STAU2: variants seen among roughly 807,000 people sequenced by gnomAD.
STAU2 encodes staufen double-stranded RNA binding protein 2, also known as double-stranded RNA-binding protein Staufen homolog 2.
In STAU2, 20 loss-of-function variants were observed where a neutral mutation model predicts 65.9. The observed-to-expected ratio is 0.30, with a 90% CI of 0.21 to 0.44. The LOEUF (loss-of-function observed/expected upper bound fraction) is 0.44, where lower values mean the gene tolerates loss of function less well. Ranked by LOEUF, STAU2 falls within the 20% of genes least tolerant of loss-of-function variation. The pLI, the probability that STAU2 is intolerant of heterozygous loss-of-function variation, is 1.00. For synonymous variants in STAU2, 232 were observed against 233.9 expected (o/e 0.99, Z 0.07); for missense variants, 558 against 683.9 (o/e 0.82, Z 2.05).
intron 3 of STAU2, among the ~76,000 whole-genome samples, chr8:73,716,322 C>T (rs929085470): frequency 2.0e-5 from 3 of 152,032 alleles, no homozygotes; most frequent in Non-Finnish European, 4.4e-5. Flanking sequence ...ACTCCTGACC[C>T]CAGGTGATCC....
intron 13 of STAU2, among the ~76,000 whole-genome samples, chr8:73,506,151 A>G (rs1050726854): frequency 8.5e-5 from 13 of 152,168 alleles, no homozygotes; most frequent in African/African-American, 2.9e-4. Context: ...GCAATACACG[A>G]ATGGGCTAAC....
intron 11 of STAU2, among the ~76,000 whole-genome samples, chr8:73,592,463 T>C (rs1479061394): frequency 6.6e-6 from 1 of 152,000 alleles, no homozygotes; most frequent in Non-Finnish European, 1.5e-5. Context: ...GTAACCTAAG[T>C]AACCCTATCT....
chr8:73,471,878 C>T (rs552972907), intron 13 of STAU2, among the ~76,000 whole-genome samples: 2 of 147,548 alleles, frequency 1.4e-5, no homozygotes, highest in East Asian at 2.0e-4. Flanking sequence ...AAGAAATTCA[C>T]GTTAAGACGT....
intron 13 of STAU2, among the ~76,000 whole-genome samples, chr8:73,437,415 G>A (rs1817783887): frequency 1.3e-5 from 2 of 152,154 alleles, no homozygotes; most frequent in African/African-American, 2.4e-5. Flanking sequence ...TTGGAGGAAG[G>A]GGCCATGAAC....
intron 13 of STAU2, among the ~76,000 whole-genome samples, chr8:73,525,080 G>A (rs985715248): frequency 1.3e-5 from 2 of 152,094 alleles, no homozygotes; most frequent in African/African-American, 2.4e-5. Context: ...TACCTCCTAG[G>A]CCACTACAAT....
chr8:73,651,192 C>T lies in STAU2; in HGVS notation c.410+21915G>A, dbSNP rs1815844749. ...CGGGCCCCGAGGAGCCCCCTCAGGCCGTCAGCATCAAGGAGGCTAGGTCCT... is the reference window on the plus strand; with the variant it reads ...CGGGCCCCGAGGAGCCCCCTCAGGCTGTCAGCATCAAGGAGGCTAGGTCCT... On this transcript the variant is annotated intron_variant, in intron 6 of 14. Coordinates refer to ENST00000524300, the MANE Select transcript of STAU2 (RefSeq NM_001164380.2). The T allele has an allele frequency of 2.5e-5, 25 of 998,548 alleles. No homozygotes were observed. In the South Asian group the frequency reaches 2.9e-4, roughly 12 times the overall value. 61.9% of individuals were successfully genotyped at this position (998,548 alleles called of 1,614,324 possible). A position where few individuals can be genotyped will look rare whatever the true frequency, so the allele number is the denominator to read the frequency against.
intron 13 of STAU2, chr8:73,438,810 A>G: frequency 2.6e-6 from 1 of 390,376 alleles, no homozygotes; most frequent in Non-Finnish European, 5.1e-6. Flanking sequence ...AAGGCCACAT[A>G]GGTAAACAGC....
chr8:73,591,881 G>C (rs1475133910), intron 11 of STAU2, among the ~76,000 whole-genome samples: 2 of 35,586 alleles, frequency 5.6e-5, no homozygotes, highest in African/African-American at 2.5e-4. Context: ...TATCCCAGAG[G>C]TAAAAAAAAA....
chr8:73,617,181 T>C, intron 7 of STAU2, 111 bp downstream of exon 7: 1 of 1,302,950 alleles, frequency 7.7e-7, no homozygotes, highest in Non-Finnish European at 1.0e-6. Context: ...AGGTCTTCAC[T>C]CTAGTATTCT....
intron 6 of STAU2, among the ~76,000 whole-genome samples, chr8:73,630,884 T>C (rs1814044941): frequency 6.6e-6 from 1 of 152,226 alleles, no homozygotes; most frequent in African/African-American, 2.4e-5. Flanking sequence ...TCTAAAGCTT[T>C]TGGTTATTCC....
intron 13 of STAU2, among the ~76,000 whole-genome samples, chr8:73,492,967 A>G (rs769111532): frequency 1.7e-4 from 26 of 151,884 alleles, no homozygotes; most frequent in Non-Finnish European, 3.1e-4. Flanking sequence ...AGTAATAGCA[A>G]ATGGATCAAT....
chr8:73,455,825 G>A lies in STAU2; in HGVS notation c.1531-33123C>T, dbSNP rs545591805. Among the ~76,000 whole-genome samples, 4 of 152,206 alleles carry A rather than the reference G, an allele frequency of 2.6e-5. No homozygotes were observed. In the South Asian group the frequency reaches 6.2e-4, roughly 24 times the overall value. On this transcript the variant is annotated intron_variant, in intron 13 of 14. Coordinates refer to ENST00000524300, the MANE Select transcript of STAU2 (RefSeq NM_001164380.2). ...ACGTGTCTCTGTACACCACCTGGCCGTGGTCAAGGGGGGTGATGTACATAT... is the reference window on the plus strand; with the variant it reads ...ACGTGTCTCTGTACACCACCTGGCCATGGTCAAGGGGGGTGATGTACATAT...
intron 3 of STAU2, chr8:73,732,683 T>C (rs967175501): frequency 1.3e-5 from 2 of 152,164 alleles, no homozygotes; most frequent in African/African-American, 4.8e-5. Flanking sequence ...CAGCAACTTT[T>C]AAGAGAAAAG....
At chr8:73,723,108 C>A (rs202124416) in intron 3 of STAU2, among the ~76,000 whole-genome samples, 16 of 148,976 alleles carry the variant, frequency 1.1e-4, no homozygotes, top group Admixed American at 1.1e-3. Context: ...GCCCACACAC[C>A]CACACACACA....
chr8:73,629,805 C>T (rs1813958675), intron 6 of STAU2, among the ~76,000 whole-genome samples: 1 of 152,156 alleles, frequency 6.6e-6, no homozygotes, highest in South Asian at 2.1e-4. Flanking sequence ...CTCCCTCTGT[C>T]ACCCAGGCTG....
intron 3 of STAU2, among the ~76,000 whole-genome samples, chr8:73,734,488 A>C (rs1353276236): frequency 1.3e-5 from 2 of 152,096 alleles, no homozygotes; most frequent in Non-Finnish European, 2.9e-5. Context: ...ATATGGAAGA[A>C]TCTGTTATGA....
intron 13 of STAU2, among the ~76,000 whole-genome samples, chr8:73,481,646 A>G (rs1298831205): frequency 6.6e-6 from 1 of 152,096 alleles, no homozygotes; most frequent in Non-Finnish European, 1.5e-5. Flanking sequence ...TTAGTTATAT[A>G]CTAATAACAA....
chr8:73,527,614 C>T (rs1805530577), intron 13 of STAU2: 1 of 1,078,252 alleles, frequency 9.3e-7, no homozygotes, highest in Middle Eastern at 2.3e-4. Flanking sequence ...TGCATGTGCG[C>T]ACATAGCTTC....
rs577837881 is a variant in STAU2 at position 73,484,519 on chromosome 8, A to G, written c.1531-61817T>C. On this transcript the variant is annotated intron_variant, in intron 13 of 14. Coordinates refer to ENST00000524300, the MANE Select transcript of STAU2 (RefSeq NM_001164380.2). ...GAACTCGGCTAATGAATGGCTTTCTATGATACGATTTACTATATAGTGAGG... is the reference window on the plus strand; with the variant it reads ...GAACTCGGCTAATGAATGGCTTTCTGTGATACGATTTACTATATAGTGAGG... 2.6e-5 allele frequency among the ~76,000 whole-genome samples: 4 copies of G among 152,266 alleles called. No individual in the cohort carries two copies. In the South Asian group the frequency reaches 8.3e-4, roughly 32 times the overall value.
Sources: gnomAD v4.1 joint callset for allele counts (sites outside exome capture counted in the v4.1 genomes callset) on GRCh38, gnomAD v4.1.1 for gene constraint, MANE v1.5 for transcripts, NCBI Gene and HGNC (gene_info 2026-07-23, HGNC 2026-07-21) for gene names.